Variants in OTOG observed in about 807,000 individuals in gnomAD.
OTOG encodes the protein otogelin.
Under a neutral mutation model 313.8 loss-of-function variants are expected in OTOG, and 296 were observed. The ratio of observed to expected loss-of-function variants is 0.94; its 90% CI spans 0.86 to 1.04. The LOEUF (loss-of-function observed/expected upper bound fraction) is 1.04, where lower values mean the gene tolerates loss of function less well. OTOG is among the 50% of genes least tolerant of loss of function. The pLI, the probability that OTOG is intolerant of heterozygous loss-of-function variation, is 0.00. For synonymous variants in OTOG, 1,533 were observed against 1,554.9 expected (o/e 0.99, Z 0.33); for missense variants, 3,948 against 3,840.1 (o/e 1.03, Z -0.74).
chr11:17,638,566 G>GA lies in OTOG; in HGVS notation c.7894+18dup. On this transcript the variant is annotated intron_variant, in intron 48 of 55. Coordinates refer to ENST00000399397, the MANE Select transcript of OTOG (RefSeq NM_001292063.2). Reference sequence around the variant, plus strand: ...AATCCTGTGGTGAGTCCGTGGTCAGGACAGCCTCCCCGCTGGGAGATCCAG... The same window carrying GA: ...AATCCTGTGGTGAGTCCGTGGTCAGGAACAGCCTCCCCGCTGGGAGATCCAG... The GA allele has an allele frequency of 6.5e-7, 1 of 1,547,770 alleles. No homozygotes were observed. The highest frequency in any genetic ancestry group is 1.2e-5 in the South Asian group (1 of 83,932).
chr11:17,562,500 A>G (rs1386788359), intron 15 of OTOG, among the ~76,000 whole-genome samples: 1 of 152,210 alleles, frequency 6.6e-6, no homozygotes, highest in Admixed American at 6.5e-5. Flanking sequence ...ATACGGAACA[A>G]TTTGAACTGG....
chr11:17,597,058 G>A, intron 30 of OTOG, 51 bp downstream of exon 30: 1 of 1,538,132 alleles, frequency 6.5e-7, no homozygotes, highest in East Asian at 2.5e-5. Context: ...TGTCACCTGT[G>A]GGCATGCCCT....
chr11:17,553,161 C>A lies in OTOG; in HGVS notation c.335C>A (p.Ala112Asp), dbSNP rs545257884. 3.2e-6 allele frequency: 5 copies of A among 1,550,450 alleles called. No individual in the cohort carries two copies. Among genetic ancestry groups the A allele is most frequent in the East Asian group, 2.4e-5 (1 of 40,916 alleles). The change falls in exon 5 of 56, where the codon GCC (alanine) becomes GAC (aspartate). Residue 112 changes from alanine to aspartate, a missense_variant. Transcript: ENST00000399397. ...AATGGAGGCGAGTGTGTGCACCCAGCCTTCTGTGACTGCAGACGCTTCAAT... is the reference window on the plus strand; with the variant it reads ...AATGGAGGCGAGTGTGTGCACCCAGACTTCTGTGACTGCAGACGCTTCAAT... ...CFNGGECVHP[A>D]FCDCRRFNAT...
chr11:17,553,616 C>T, intron 6 of OTOG, 97 bp downstream of exon 6: 12 of 1,140,116 alleles, frequency 1.1e-5, no homozygotes, highest in Non-Finnish European at 1.4e-5. Flanking sequence ...GAGAGACTGG[C>T]ACCTTCCTCC....
intron 38 of OTOG, 24 bp downstream of exon 38, chr11:17,612,789 C>T (rs1312783447): frequency 6.5e-7 from 1 of 1,546,906 alleles, no homozygotes; most frequent in Non-Finnish European, 8.7e-7. Context: ...ACCTCCCTCC[C>T]TGCTGGGGAC....
intron 22 of OTOG, 87 bp from the exon 23 acceptor site, chr11:17,578,285 CT>C: frequency 7.1e-7 from 1 of 1,410,056 alleles, no homozygotes; most frequent in African/African-American, 1.4e-5. Context: ...GAGCCCGTCT[CT>C]CCCTCCATCC....
chr11:17,603,519 G>A (rs1029666776), intron 32 of OTOG, among the ~76,000 whole-genome samples: 1 of 152,148 alleles, frequency 6.6e-6, no homozygotes, highest in Non-Finnish European at 1.5e-5. Flanking sequence ...ACGTCACTGG[G>A]GGCAGGATGC....
At chr11:17,563,688 CT>C (rs57937716) in intron 15 of OTOG, among the ~76,000 whole-genome samples, 68 of 149,992 alleles carry the variant, frequency 4.5e-4, no homozygotes, top group East Asian at 3.7e-3. Flanking sequence ...GAATCCCCCC[CT>C]TTTTTTTTGG....
intron 23 of OTOG, among the ~76,000 whole-genome samples, chr11:17,583,635 C>T (rs888788549): frequency 1.8e-4 from 27 of 152,220 alleles, no homozygotes; most frequent in South Asian, 8.3e-4. Context: ...ACTGTATACA[C>T]GTGGGTATAT....
Position 17,645,920 on chromosome 11 carries a change from C to A in OTOG, c.8718C>A (p.Thr2906=). The A allele has an allele frequency of 6.5e-7, 1 of 1,549,866 alleles. No homozygotes were observed. Among genetic ancestry groups the A allele is most frequent in the Non-Finnish European group, 8.7e-7 (1 of 1,146,992 alleles). ...TWVPYTVQEP[T]DCACQWS ...TGCCCTATACAGTGCAGGAGCCCAC[C>A]GACTGTGCCTGCCAGTGGTCCTGAG... The change falls in exon 56 of 56, where the codon ACC becomes ACA. Residue 2906 remains threonine, a synonymous_variant. Coordinates refer to ENST00000399397, the MANE Select transcript of OTOG (RefSeq NM_001292063.2).
intron 15 of OTOG, among the ~76,000 whole-genome samples, chr11:17,564,596 T>A (rs78781832): frequency 0.027 from 4,123 of 152,066 alleles, 78 homozygotes; most frequent in South Asian, 0.094. Flanking sequence ...GGGAGAGAAG[T>A]CAAAGATGAA....
chr11:17,575,161 A>G (rs1178913278), intron 20 of OTOG, among the ~76,000 whole-genome samples: 1 of 152,236 alleles, frequency 6.6e-6, no homozygotes, highest in Non-Finnish European at 1.5e-5. Context: ...CACAGAGCCC[A>G]GGGGCCCTCT....
chr11:17,575,882 G>A (rs1245828741), intron 20 of OTOG, among the ~76,000 whole-genome samples: 3 of 152,152 alleles, frequency 2.0e-5, no homozygotes, highest in East Asian at 1.9e-4. Context: ...GAAGAGTTTC[G>A]GCGTCCGGTC....
Position 17,593,245 on chromosome 11 carries a change from G to A in OTOG, c.3059G>A (p.Ser1020Asn). The A allele has an allele frequency of 6.5e-7, 1 of 1,550,098 alleles. No individual in the cohort carries two copies. The highest frequency in any genetic ancestry group is 2.0e-5 in the Admixed American group (1 of 51,010). ...SVIVENVNCY[S>N]SGMICRKFIS... ...ATTGTAGAGAATGTGAACTGCTACAGCTCTGGCATGATCTGCAGGAAATTT... is the reference window on the plus strand; with the variant it reads ...ATTGTAGAGAATGTGAACTGCTACAACTCTGGCATGATCTGCAGGAAATTT... The change falls in exon 26 of 56, where the codon AGC becomes AAC. Residue 1020 changes from serine to asparagine, a missense_variant. Transcript: ENST00000399397.
At chr11:17,571,777 G>A (rs190235627) in intron 17 of OTOG, among the ~76,000 whole-genome samples, 71 of 152,136 alleles carry the variant, frequency 4.7e-4, no homozygotes, top group Non-Finnish European at 7.9e-4. Context: ...GTGTGTGTGC[G>A]TGCGCGCACG....
chr11:17,600,618 G>T (rs1029754657), intron 31 of OTOG, among the ~76,000 whole-genome samples: 2 of 152,170 alleles, frequency 1.3e-5, no homozygotes, highest in Non-Finnish European at 2.9e-5. Context: ...ATGAGCATCC[G>T]CAGGACTGCA....
At chr11:17,606,267 C>T (rs1853387550) in intron 33 of OTOG, 132 bp downstream of exon 33, 2 of 1,196,336 alleles carry the variant, frequency 1.7e-6, no homozygotes, top group Non-Finnish European at 1.1e-6. Flanking sequence ...ACAGGGGCCA[C>T]ATGGGTGCCA....
chr11:17,641,492 T>C lies in OTOG; in HGVS notation c.8191-355T>C, dbSNP rs145379619. Among the ~76,000 whole-genome samples the C allele has an allele frequency of 3.9e-5, 6 of 152,292 alleles. No homozygotes were observed. The East Asian group carries it at 1.2e-3, about 29-fold the overall frequency. On this transcript the variant is annotated intron_variant, in intron 51 of 55. Coordinates refer to ENST00000399397, the MANE Select transcript of OTOG (RefSeq NM_001292063.2). Reference sequence around the variant, plus strand: ...TAAATATTACTTGGATAAAGAAGGTTAGAATTATTCCCATTTTTCAGAGGA... The same window carrying C: ...TAAATATTACTTGGATAAAGAAGGTCAGAATTATTCCCATTTTTCAGAGGA...
chr11:17,560,639 C>T (rs1852159654), intron 12 of OTOG, 70 bp from the exon 13 acceptor site: 1 of 1,117,884 alleles, frequency 8.9e-7, no homozygotes, highest in African/African-American at 1.5e-5. Context: ...TATCAGAGGC[C>T]CTGGGGAGCC....
Sources: gnomAD v4.1 joint callset for allele counts (sites outside exome capture counted in the v4.1 genomes callset) on GRCh38, gnomAD v4.1.1 for gene constraint, MANE v1.5 for transcripts, NCBI Gene and HGNC (gene_info 2026-07-23, HGNC 2026-07-21) for gene names.